The following CFAP100 variants were observed in gnomAD, a reference collection of about 807,000 sequenced individuals.
CFAP100 encodes the protein cilia and flagella associated protein 100, also known as cilia- and flagella-associated protein 100.
Under a neutral mutation model 81.5 loss-of-function variants are expected in CFAP100, and 70 were observed. The observed-to-expected ratio is 0.86, with a 90% CI of 0.71 to 1.05. The LOEUF is 1.05. CFAP100 is among the 50% of genes least tolerant of loss of function. The pLI is 0.00. For synonymous variants in CFAP100, 341 were observed against 314.8 expected (o/e 1.08, Z -0.88); for missense variants, 811 against 776.5 (o/e 1.04, Z -0.53).
rs141719598 is a variant in CFAP100 at position 126,435,621 on chromosome 3, G to A, written c.1691G>A (p.Arg564Gln). The change falls in exon 16 of 17, where the codon CGG becomes CAG. Residue 564 changes from arginine (R) to glutamine (Q), a missense_variant. By Grantham distance (43) the Arg-to-Gln change is conservative. Transcript: ENST00000352312. Reference sequence around the variant, plus strand: ...CAGGAGGAGCATCTGCAGCGGGCCCGGGCGCGCGCCCAGGCTGAGATCAAG... The same window carrying A: ...CAGGAGGAGCATCTGCAGCGGGCCCAGGCGCGCGCCCAGGCTGAGATCAAG... The part of the protein sequence containing the change: ...ILQEEHLQRA[R>Q]ARAQAEIKKK... 4.7e-4 allele frequency: 761 copies of A among 1,612,238 alleles called. 3 individuals are homozygous for A. The highest frequency in any genetic ancestry group is 2.3e-3 in the Middle Eastern group (14 of 6,052).
At chr3:126,420,529 T>C in intron 11 of CFAP100, 1 of 425,104 alleles carries the variant, frequency 2.4e-6, no homozygotes. Context: ...TGCCCCTGGT[T>C]GTCTGGTCCT....
At chr3:126,427,632 C>T (rs1400367722) in intron 13 of CFAP100, among the ~76,000 whole-genome samples, 1 of 152,198 alleles carries the variant, frequency 6.6e-6, no homozygotes, top group Non-Finnish European at 1.5e-5. Flanking sequence ...AAGAAATTGA[C>T]AAACTGTCTT....
chr3:126,420,547 G>T (rs1387738955), intron 11 of CFAP100: 1 of 391,846 alleles, frequency 2.6e-6, no homozygotes, highest in Non-Finnish European at 4.7e-6. Flanking sequence ...CCTGGCCCTG[G>T]GGGGATAGGT....
At chr3:126,419,918 A>G in intron 9 of CFAP100, 62 bp from the exon 10 acceptor site, 2 of 1,612,318 alleles carry the variant, frequency 1.2e-6, no homozygotes, top group Non-Finnish European at 1.7e-6. Context: ...TCTGGGCCAC[A>G]TGGCGTTGCT....
At chr3:126,418,390 G>A (rs1040498790) in intron 5 of CFAP100, 68 bp from the exon 6 acceptor site, 114 of 1,468,502 alleles carry the variant, frequency 7.8e-5, no homozygotes, top group Admixed American at 2.2e-4. Context: ...AGGCTCCTCT[G>A]CAGACCTGCC....
rs1217319055 is a variant in CFAP100 at position 126,423,321 on chromosome 3, G to C, written c.1083-4G>C. 5.6e-6 allele frequency: 9 copies of C among 1,612,454 alleles called. No individual in the cohort carries two copies. The highest frequency in any genetic ancestry group is 7.6e-6 in the Non-Finnish European group (9 of 1,179,210). ...AGAGTCCCGACCCTGCCATCTCTTC[G>C]CAGGTCGAACTCTCCCATCCCCCCC... On this transcript the variant is annotated splice_region_variant and splice_polypyrimidine_tract_variant and intron_variant, in intron 11 of 16. Transcript: ENST00000352312.
chr3:126,428,464 CAAA>C (rs765533258), intron 13 of CFAP100, among the ~76,000 whole-genome samples: 4 of 152,108 alleles, frequency 2.6e-5, no homozygotes, highest in Non-Finnish European at 5.9e-5. Flanking sequence ...TACATTTGTC[CAAA>C]CCCATAGAAT....
chr3:126,407,078 G>T (rs1228825898), intron 2 of CFAP100, 94 bp from the exon 3 acceptor site: 3 of 775,528 alleles, frequency 3.9e-6, no homozygotes, highest in South Asian at 1.7e-5. Context: ...TTGAGCCTTT[G>T]TGTGTCTGAG....
At chr3:126,429,044 G>A (rs1243516540) in intron 13 of CFAP100, among the ~76,000 whole-genome samples, 1 of 151,154 alleles carries the variant, frequency 6.6e-6, no homozygotes, top group Non-Finnish European at 1.5e-5. Flanking sequence ...AGGAGGTGGA[G>A]GCTGCAGTGA....
In CFAP100 at chr3:126,414,111, C is replaced by G. The variant is rs138625667; in HGVS notation, c.157C>G (p.Pro53Ala). 7 of 1,613,998 alleles carry G rather than the reference C, an allele frequency of 4.3e-6. No individual in the cohort carries two copies. Among genetic ancestry groups the G allele is most frequent in the Middle Eastern group, 1.6e-4 (1 of 6,062 alleles). Reference protein sequence around the residue: ...EEHGPDPSANPFHLSGDVDFF... With the variant: ...EEHGPDPSANAFHLSGDVDFF... Reference sequence around the variant, plus strand: ...ACATGGTCCTGACCCTTCAGCGAACCCTTTCCACTTATCTGGGGATGTGGA... The same window carrying G: ...ACATGGTCCTGACCCTTCAGCGAACGCTTTCCACTTATCTGGGGATGTGGA... The change falls in exon 4 of 17, where the codon CCT becomes GCT. Residue 53 changes from proline to alanine, a missense_variant. Physicochemically the swap from Pro to Ala is conservative, Grantham distance 27. Transcript: ENST00000352312.
At chr3:126,407,529 G>C (rs888415071) in intron 3 of CFAP100, among the ~76,000 whole-genome samples, 1 of 152,148 alleles carries the variant, frequency 6.6e-6, no homozygotes, top group African/African-American at 2.4e-5. Context: ...AGGTCCCCAA[G>C]TCTCTCTGCT....
intron 2 of CFAP100, among the ~76,000 whole-genome samples, chr3:126,404,877 G>T (rs567774089): frequency 2.0e-5 from 3 of 152,068 alleles, no homozygotes; most frequent in Non-Finnish European, 4.4e-5. Flanking sequence ...GTTTCACCAT[G>T]TTGGCCAGGA....
chr3:126,428,610 T>G (rs1281712851), intron 13 of CFAP100, among the ~76,000 whole-genome samples: 1 of 152,086 alleles, frequency 6.6e-6, no homozygotes, highest in Non-Finnish European at 1.5e-5. Flanking sequence ...TGTGCATGTG[T>G]TAGGGTGAGG....
Position 126,399,792 on chromosome 3 carries a change from T to G in CFAP100, c.49+3743T>G, listed in dbSNP as rs545099736. Reference sequence around the variant, plus strand: ...AGATCTTGATGAGGAGGCTGGGACATTTTAGTGAATTTTTAGCATTTCCTG... The same window carrying G: ...AGATCTTGATGAGGAGGCTGGGACAGTTTAGTGAATTTTTAGCATTTCCTG... On this transcript the variant is annotated intron_variant, in intron 2 of 16. Coordinates refer to ENST00000352312, the MANE Select transcript of CFAP100 (RefSeq NM_182628.3). Among the ~76,000 whole-genome samples, 9 of 152,224 alleles carry G rather than the reference T, an allele frequency of 5.9e-5. No homozygotes were observed. In the South Asian group the frequency reaches 1.0e-3, roughly 18 times the overall value.
At chr3:126,419,921 G>A (rs2083301447) in intron 9 of CFAP100, 59 bp from the exon 10 acceptor site, 1 of 1,612,340 alleles carries the variant, frequency 6.2e-7, no homozygotes, top group Admixed American at 1.7e-5. Flanking sequence ...GGGCCACATG[G>A]CGTTGCTGAA....
At chr3:126,397,608 G>T (rs948864015) in intron 2 of CFAP100, among the ~76,000 whole-genome samples, 3 of 152,222 alleles carry the variant, frequency 2.0e-5, no homozygotes, top group African/African-American at 7.2e-5. Context: ...TTGAGGGCCT[G>T]TGCATTTGTG....
chr3:126,422,947 G>C (rs2083355416), intron 11 of CFAP100, among the ~76,000 whole-genome samples: 1 of 152,192 alleles, frequency 6.6e-6, no homozygotes. Context: ...GGGGAGGCAA[G>C]GTGAGTGCTG....
intron 2 of CFAP100, among the ~76,000 whole-genome samples, chr3:126,405,706 G>A (rs1307017192): frequency 1.3e-5 from 2 of 152,076 alleles, no homozygotes; most frequent in Admixed American, 6.5e-5. Context: ...GGTAGCAAGA[G>A]CTTCAGGTGA....
intron 11 of CFAP100, among the ~76,000 whole-genome samples, chr3:126,422,171 C>A (rs1169666369): frequency 6.6e-6 from 1 of 152,228 alleles, no homozygotes; most frequent in Non-Finnish European, 1.5e-5. Flanking sequence ...CCATGCCCAC[C>A]AACCGCCAGG....
Sources: gnomAD v4.1 joint callset for allele counts (sites outside exome capture counted in the v4.1 genomes callset) on GRCh38, gnomAD v4.1.1 for gene constraint, MANE v1.5 for transcripts, NCBI Gene and HGNC (gene_info 2026-07-23, HGNC 2026-07-21) for gene names.